Variants in TENM4 observed in about 807,000 individuals in gnomAD.
The protein encoded by TENM4 is teneurin-4.
Under a neutral mutation model 243.3 loss-of-function variants are expected in TENM4, and 82 were observed. The ratio of observed to expected loss-of-function variants is 0.34; its 90% confidence interval spans 0.28 to 0.40. The LOEUF (loss-of-function observed/expected upper bound fraction) is 0.40, where lower values mean the gene tolerates loss of function less well. TENM4 is among the 10% of genes least tolerant of loss of function. The probability of loss-of-function intolerance (pLI) is 1.00; values close to 1 mark genes in which losing one functional copy is unlikely to be tolerated. For synonymous variants in TENM4, 1,412 were observed against 1,456.3 expected (o/e 0.97, Z 0.69); for missense variants, 3,138 against 3,673.3 (o/e 0.85, Z 3.77).
At position 78,827,548 on chromosome 11, in the gene TENM4, C is replaced by T. The variant is rs188800326; in HGVS notation, c.1682-13153G>A. Among the ~76,000 whole-genome samples, 13 of 151,996 alleles carry T rather than the reference C, an allele frequency of 8.6e-5. No individual in the cohort carries two copies. The East Asian group carries it at 2.1e-3, about 25-fold the overall frequency. ...CTTGTTGGCCAGGCTGGAATGCAATCGTGCAATCTTGGCTCACTGAAACCT... is the reference window on the plus strand; with the variant it reads ...CTTGTTGGCCAGGCTGGAATGCAATTGTGCAATCTTGGCTCACTGAAACCT... On this transcript the variant is annotated intron_variant, in intron 12 of 33. Transcript: ENST00000278550.
At chr11:78,718,906 C>A (rs1413162223) in intron 25 of TENM4, among the ~76,000 whole-genome samples, 3 of 152,120 alleles carry the variant, frequency 2.0e-5, no homozygotes, top group Admixed American at 2.0e-4. Flanking sequence ...TTTTTTGTTA[C>A]CAATTTCTCT....
At chr11:78,863,776 A>G (rs2136225326) in intron 9 of TENM4, among the ~76,000 whole-genome samples, 1 of 152,332 alleles carries the variant, frequency 6.6e-6, no homozygotes, top group East Asian at 1.9e-4. Context: ...AATTTGATAA[A>G]AGCTAGCAAC....
chr11:79,296,818 C>G (rs144380396), intron 2 of TENM4, among the ~76,000 whole-genome samples: 3 of 152,240 alleles, frequency 2.0e-5, no homozygotes, highest in African/African-American at 7.2e-5. Context: ...CACAAAGTAC[C>G]CTTCAAACTG....
intron 4 of TENM4, among the ~76,000 whole-genome samples, chr11:79,091,153 C>T (rs750514634): frequency 2.6e-5 from 4 of 152,174 alleles, no homozygotes; most frequent in Non-Finnish European, 4.4e-5. Context: ...GCTTCCATTT[C>T]GAGTTTCATT....
chr11:79,261,847 C>T (rs914788856), intron 2 of TENM4, among the ~76,000 whole-genome samples: 2 of 152,090 alleles, frequency 1.3e-5, no homozygotes, highest in African/African-American at 2.4e-5. Context: ...GCCTCTGAGT[C>T]CCTCCAAAGA....
chr11:79,188,863 G>A (rs1039556664), intron 3 of TENM4, among the ~76,000 whole-genome samples: 1 of 152,190 alleles, frequency 6.6e-6, no homozygotes, highest in Non-Finnish European at 1.5e-5. Context: ...GGGACCAGAT[G>A]TGGGGAAATC....
chr11:79,111,953 T>C (rs985220337), intron 4 of TENM4, among the ~76,000 whole-genome samples: 2 of 151,800 alleles, frequency 1.3e-5, no homozygotes, highest in Non-Finnish European at 2.9e-5. Context: ...CACAAAGATA[T>C]GGAGTTACAA....
chr11:78,782,254 TTG>T, intron 16 of TENM4, among the ~76,000 whole-genome samples: 2 of 6,130 alleles, frequency 3.3e-4, no homozygotes. Context: ...AGGTCAGGAG[TTG>T]TTAGAGACCA....
chr11:79,081,374 T>G (rs1860668097), intron 4 of TENM4, among the ~76,000 whole-genome samples: 1 of 152,152 alleles, frequency 6.6e-6, no homozygotes, highest in Non-Finnish European at 1.5e-5. Flanking sequence ...TAGCTTCTTG[T>G]CTTATAAAAC....
Position 78,903,310 on chromosome 11 carries a change from T to G in TENM4, c.707A>C (p.Gln236Pro), listed in dbSNP as rs991838974. 26 of 1,484,254 alleles carry G rather than the reference T, an allele frequency of 1.8e-5. No homozygotes were observed. The highest frequency in any genetic ancestry group is 2.3e-5 in the Non-Finnish European group (26 of 1,119,674). 91.9% of individuals were successfully genotyped at this position (1,484,254 alleles called of 1,614,324 possible). A position where few individuals can be genotyped will look rare whatever the true frequency, so the allele number is the denominator to read the frequency against. The part of the protein sequence containing the change: ...AGGAQEPAHA[Q>P]ENWLLNSNIP... ...GTTGCTGTTGAGCAGCCAGTTCTCC[T>G]GGGCGTGGGCAGGCTCCTGGGCGCC... is the stretch of plus-strand genomic sequence containing the variant. The change falls in exon 7 of 34, where the codon CAG (glutamine) becomes CCG (proline). Residue 236 changes from glutamine to proline, a missense_variant. Gln to Pro is a moderately conservative substitution (Grantham distance 76). Transcript: ENST00000278550.
chr11:78,735,953 T>C (rs1855781303), intron 20 of TENM4, among the ~76,000 whole-genome samples: 1 of 151,048 alleles, frequency 6.6e-6, no homozygotes, highest in Admixed American at 6.6e-5. Flanking sequence ...TCTCTCTCTT[T>C]TTTCTTTTGA....
chr11:78,867,595 C>T (rs1859014826), intron 9 of TENM4, among the ~76,000 whole-genome samples: 1 of 152,160 alleles, frequency 6.6e-6, no homozygotes, highest in Non-Finnish European at 1.5e-5. Context: ...TACATATGAT[C>T]GAGTGGCCTC....
chr11:79,185,952 G>A (rs1863373039), intron 3 of TENM4, among the ~76,000 whole-genome samples: 2 of 152,086 alleles, frequency 1.3e-5, no homozygotes, highest in Admixed American at 1.3e-4. Context: ...ACAGAGTGTG[G>A]CATTTTACAT....
chr11:78,803,961 T>C (rs1857337045), intron 15 of TENM4, among the ~76,000 whole-genome samples: 1 of 152,270 alleles, frequency 6.6e-6, no homozygotes, highest in Non-Finnish European at 1.5e-5. Flanking sequence ...GACTGTGTAT[T>C]GAACATCAAT....
chr11:79,319,128 G>A lies in TENM4; in HGVS notation c.-320-21585C>T, dbSNP rs182348436. Among the ~76,000 whole-genome samples the A allele has an allele frequency of 9.4e-4, 143 of 152,272 alleles. 8 individuals are homozygous for A. The South Asian group carries it at 0.017, about 19-fold the overall frequency. On this transcript the variant is annotated intron_variant, in intron 1 of 33. Transcript: ENST00000278550. ...AACCCCATTTTACAGATGAAGAAAC[G>A]GAGGCTTAGACAAATTAAGTAGCTA...
chr11:78,999,338 C>T (rs780596566), intron 6 of TENM4, among the ~76,000 whole-genome samples: 1 of 151,956 alleles, frequency 6.6e-6, no homozygotes, highest in African/African-American at 2.4e-5. Flanking sequence ...ATGGTGAAAC[C>T]CTGTCTCTAC....
At chr11:78,662,854 G>A (rs1337962271) in intron 32 of TENM4, among the ~76,000 whole-genome samples, 1 of 152,200 alleles carries the variant, frequency 6.6e-6, no homozygotes. Context: ...TAGACAGGCT[G>A]ACAAGACCAC....
At chr11:78,734,586 C>T (rs909582038) in intron 20 of TENM4, among the ~76,000 whole-genome samples, 2 of 151,748 alleles carry the variant, frequency 1.3e-5, no homozygotes, top group African/African-American at 2.4e-5. Flanking sequence ...TTCCTTCTGT[C>T]ACACCCTGGC....
chr11:78,825,674 T>C (rs1451156042), intron 12 of TENM4, among the ~76,000 whole-genome samples: 1 of 152,170 alleles, frequency 6.6e-6, no homozygotes, highest in Non-Finnish European at 1.5e-5. Flanking sequence ...GAGGTAGTAT[T>C]TGAATAGCTC....
Sources: gnomAD v4.1 joint callset for allele counts (sites outside exome capture counted in the v4.1 genomes callset) on GRCh38, gnomAD v4.1.1 for gene constraint, MANE v1.5 for transcripts, NCBI Gene and HGNC (gene_info 2026-07-23, HGNC 2026-07-21) for gene names.